Variants in TEX9 observed in about 807,000 individuals in gnomAD.
TEX9 encodes the protein testis expressed 9, also known as testis-expressed protein 9.
A neutral mutation model predicts 59.6 loss-of-function variants in TEX9; 74 were observed. The observed-to-expected ratio is 1.24, with a 90% CI of 1.03 to 1.51. The LOEUF (loss-of-function observed/expected upper bound fraction) is 1.51, where lower values mean the gene tolerates loss of function less well. Ranked by LOEUF, TEX9 falls within the 40% of genes most tolerant of loss-of-function variation. The pLI, the probability that TEX9 is intolerant of heterozygous loss-of-function variation, is 0.00. For missense variants in TEX9, 522 were observed against 447.8 expected (o/e 1.17, Z -1.49); for synonymous variants, 186 against 152.2 (o/e 1.22, Z -1.64).
intron 10 of TEX9, among the ~76,000 whole-genome samples, chr15:56,415,072 C>A (rs1330052889): frequency 1.3e-5 from 2 of 151,572 alleles, no homozygotes; most frequent in African/African-American, 4.9e-5. Flanking sequence ...CTTTCCCCAC[C>A]TTTTAATGGG....
intron 10 of TEX9, among the ~76,000 whole-genome samples, chr15:56,421,929 G>A (rs1232245893): frequency 3.3e-5 from 5 of 151,450 alleles, no homozygotes; most frequent in Non-Finnish European, 5.9e-5. Flanking sequence ...ATAAACATAC[G>A]TGTGCATGTG....
At chr15:56,272,420 C>A (rs545569511) in intron 1 of TEX9, among the ~76,000 whole-genome samples, 14 of 152,274 alleles carry the variant, frequency 9.2e-5, no homozygotes, top group African/African-American at 2.6e-4. Flanking sequence ...GAGAGTTCAT[C>A]TGTGTTGTAG....
At chr15:56,427,336 T>G (rs1408701009) in intron 10 of TEX9, among the ~76,000 whole-genome samples, 1 of 152,032 alleles carries the variant, frequency 6.6e-6, no homozygotes, top group Non-Finnish European at 1.5e-5. Flanking sequence ...AAATCCAGAG[T>G]TTATGTTGGT....
chr15:56,375,299 C>T (rs572368721), intron 3 of TEX9, among the ~76,000 whole-genome samples: 16 of 152,108 alleles, frequency 1.1e-4, no homozygotes, highest in African/African-American at 1.9e-4. Context: ...GTTTTTTGGC[C>T]GCATAAATGT....
At chr15:56,428,367 A>G in exon 12 of TEX9, 4 of 1,608,490 alleles carry the variant, frequency 2.5e-6, no homozygotes, top group Non-Finnish European at 3.4e-6. Flanking sequence ...TTTTTAACAG[A>G]TGCATATTGA....
At chr15:56,424,078 G>A (rs930728220) in intron 10 of TEX9, among the ~76,000 whole-genome samples, 7 of 152,154 alleles carry the variant, frequency 4.6e-5, no homozygotes, top group Non-Finnish European at 8.8e-5. Context: ...ATTATTGGAA[G>A]TGGGGTATTG....
In TEX9 at chr15:56,267,418, A is replaced by C. The variant is rs529517118; in HGVS notation, c.-107+23140A>C. 1.5e-3 allele frequency among the ~76,000 whole-genome samples: 236 copies of C among 152,294 alleles called. 1 individual carries two copies. Among genetic ancestry groups the C allele is most frequent in the Non-Finnish European group, 2.6e-3 (180 of 68,026 alleles). On this transcript the variant is annotated intron_variant, in intron 1 of 5. Coordinates refer to the TEX9 transcript ENST00000560827. ...GTCCTTGCCCATGCCTATGTCCTGA[A>C]TGGTATTGCCTAGGTTTTCTTCTAG...
chr15:56,285,695 T>G (rs1031548889), intron 1 of TEX9, among the ~76,000 whole-genome samples: 11 of 152,220 alleles, frequency 7.2e-5, no homozygotes, highest in Admixed American at 7.2e-4. Context: ...ATTCAGTATT[T>G]TTTATGTTTT....
rs961277827 is a variant in TEX9 at position 56,277,776 on chromosome 15, G to A, written c.-107+33498G>A. Among the ~76,000 whole-genome samples the A allele has an allele frequency of 2.0e-5, 3 of 152,170 alleles. No homozygotes were observed. In the South Asian group the frequency reaches 6.2e-4, roughly 32 times the overall value. On this transcript the variant is annotated intron_variant, in intron 1 of 5. Coordinates refer to the TEX9 transcript ENST00000560827. The stretch of plus-strand genomic sequence containing the variant: ...AAAAAATTTTGCACAGTTAGAATGT[G>A]TTGAAGAAACCAGCCACAATTTAAC...
chr15:56,422,856 T>C (rs1455258721), intron 10 of TEX9, among the ~76,000 whole-genome samples: 3 of 152,130 alleles, frequency 2.0e-5, no homozygotes, highest in African/African-American at 7.2e-5. Flanking sequence ...TTTCTGTCTC[T>C]ATAAATTTGA....
chr15:56,314,534 T>G (rs1218434840), intron 1 of TEX9, among the ~76,000 whole-genome samples: 2 of 149,836 alleles, frequency 1.3e-5, no homozygotes, highest in African/African-American at 4.9e-5. Flanking sequence ...ATAATTTCTG[T>G]TCTTTTACAT....
intron 1 of TEX9, among the ~76,000 whole-genome samples, chr15:56,261,458 C>T (rs566070218): frequency 6.6e-6 from 1 of 152,250 alleles, no homozygotes; most frequent in African/African-American, 2.4e-5. Context: ...TGGCTCATGC[C>T]TGTAATCCTA....
chr15:56,270,826 C>G (rs1165470837), intron 1 of TEX9, among the ~76,000 whole-genome samples: 1 of 152,156 alleles, frequency 6.6e-6, no homozygotes, highest in Non-Finnish European at 1.5e-5. Flanking sequence ...GTAAGGCAGG[C>G]CTGGTGGTGA....
At chr15:56,460,009 A>AAAAAAAAAAATATATAT in the TEX9 span, among the ~76,000 whole-genome samples, 28 of 26,388 alleles carry the variant, frequency 1.1e-3, 4 homozygotes, top group East Asian at 5.7e-3. Context: ...AAAAAAAAAA[A>AAAAAAAAAAATATATAT]ATACATATAT....
At chr15:56,275,310 A>G (rs2044642700) in intron 1 of TEX9, among the ~76,000 whole-genome samples, 1 of 152,180 alleles carries the variant, frequency 6.6e-6, no homozygotes, top group African/African-American at 2.4e-5. Flanking sequence ...CTTAGTGGAC[A>G]AAGGACCAAG....
chr15:56,388,407 G>T, intron 4 of TEX9, 65 bp from the exon 5 acceptor site: 2 of 1,239,964 alleles, frequency 1.6e-6, no homozygotes, highest in African/African-American at 1.5e-5. Flanking sequence ...TATAATTGTT[G>T]AATTTCATTG....
intron 12 of TEX9, among the ~76,000 whole-genome samples, chr15:56,440,143 G>T (rs1192240939): frequency 6.6e-6 from 1 of 152,118 alleles, no homozygotes; most frequent in Non-Finnish European, 1.5e-5. Flanking sequence ...TTACACCAAA[G>T]AGGACAGCAA....
At chr15:56,411,830 G>T (rs2049366700) in intron 9 of TEX9, among the ~76,000 whole-genome samples, 1 of 152,112 alleles carries the variant, frequency 6.6e-6, no homozygotes, top group Admixed American at 6.6e-5. Context: ...ACTTAGAATT[G>T]GGATTTTCCT....
At chr15:56,315,673 A>G (rs1414110497) in intron 1 of TEX9, among the ~76,000 whole-genome samples, 4 of 142,754 alleles carry the variant, frequency 2.8e-5, no homozygotes, top group Non-Finnish European at 4.7e-5. Flanking sequence ...CGTTCTCTGT[A>G]TTTCCTGAAT....
Sources: allele counts gnomAD v4.1 joint callset (sites outside exome capture counted in the v4.1 genomes callset), GRCh38; gene constraint gnomAD v4.1.1; transcripts MANE v1.5; gene names NCBI Gene and HGNC (gene_info 2026-07-23, HGNC 2026-07-21).